KLHDC4: variants seen among roughly 807,000 people sequenced by gnomAD.
KLHDC4 encodes kelch domain-containing protein 4.
KLHDC4 carries 90 observed loss-of-function variants against 62.4 expected under a neutral mutation model. The observed-to-expected ratio is 1.44, with a 90% CI of 1.22 to 1.72. The LOEUF (loss-of-function observed/expected upper bound fraction) is 1.72. Ranked by LOEUF, KLHDC4 falls within the 40% of genes most tolerant of loss-of-function variation. KLHDC4 has a pLI of 0.00. For missense variants in KLHDC4, 1,025 were observed against 699.7 expected, an observed-to-expected ratio of 1.47 and a Z score of -5.25; for synonymous variants, 386 against 284.4, an observed-to-expected ratio of 1.36 and a Z score of -3.59.
intron 7 of KLHDC4, among the ~76,000 whole-genome samples, chr16:87,725,285 A>G (rs1208847210): frequency 6.6e-6 from 1 of 152,176 alleles, no homozygotes; most frequent in Non-Finnish European, 1.5e-5. Flanking sequence ...TCAATGACGC[A>G]TAGGAAATTA....
intron 7 of KLHDC4, among the ~76,000 whole-genome samples, chr16:87,714,883 C>A (rs2036627764): frequency 6.6e-6 from 1 of 152,214 alleles, no homozygotes; most frequent in African/African-American, 2.4e-5. Flanking sequence ...CCACAGGGGC[C>A]TCTGATACCA....
exon 1 of KLHDC4, chr16:87,699,478 G>C (rs967595148): frequency 2.0e-5 from 3 of 152,224 alleles, no homozygotes; most frequent in East Asian, 1.9e-4. Flanking sequence ...TGGATCACCT[G>C]AGGTCAGGAG....
intron 7 of KLHDC4, among the ~76,000 whole-genome samples, chr16:87,720,011 T>G (rs2037938228): frequency 6.6e-6 from 1 of 152,020 alleles, no homozygotes; most frequent in African/African-American, 2.4e-5. Flanking sequence ...AGACCCCACC[T>G]CCCGCAGAAG....
Position 87,708,460 on chromosome 16 carries a change from T to C in KLHDC4, c.1454A>G (p.Gln485Arg), listed in dbSNP as rs1186700775. Reference protein sequence around the residue: ...KALVEMDPETQEWLEETDSEE... With the variant: ...KALVEMDPETREWLEETDSEE... The stretch of plus-strand genomic sequence containing the variant: ...CGAGTCCGTCTCCTCCAGCCACTCC[T>C]GAGTTTCTTCAAAAGCAGAATGAAC... Residue 485 changes from glutamine (Q) to arginine (R), a missense_variant, in exon 11 of 12, where the codon CAG becomes CGG. Physicochemically the swap from Gln to Arg is conservative, Grantham distance 43 (BLOSUM62 1). Transcript: ENST00000270583. The C allele has an allele frequency of 1.2e-6, 2 of 1,601,638 alleles. No individual in the cohort carries two copies. The highest frequency in any genetic ancestry group is 2.2e-5 in the East Asian group (1 of 44,678).
At chr16:87,723,699 C>T (rs1454032746) in intron 7 of KLHDC4, among the ~76,000 whole-genome samples, 1 of 152,260 alleles carries the variant, frequency 6.6e-6, no homozygotes, top group Non-Finnish European at 1.5e-5. Context: ...TGACCAACTG[C>T]CATTAAAAGG....
chr16:87,719,639 C>G (rs765354494), intron 7 of KLHDC4, among the ~76,000 whole-genome samples: 1 of 149,616 alleles, frequency 6.7e-6, no homozygotes, highest in African/African-American at 2.5e-5. Context: ...TCCCCCTCTC[C>G]GAGAAACACC....
chr16:87,728,821 A>G (rs1296798154), intron 6 of KLHDC4, among the ~76,000 whole-genome samples: 3 of 152,156 alleles, frequency 2.0e-5, no homozygotes, highest in Non-Finnish European at 4.4e-5. Flanking sequence ...TCTACTAAAA[A>G]TACAAAAATT....
At chr16:87,706,928 G>A (rs535885530), downstream of KLHDC4, among the ~76,000 whole-genome samples, 36 of 152,312 alleles carry the variant, frequency 2.4e-4, no homozygotes, top group Non-Finnish European at 4.1e-4. Flanking sequence ...CTCTCCCAGC[G>A]GTGCTTCCAC....
intron 1 of KLHDC4, among the ~76,000 whole-genome samples, chr16:87,762,886 T>C (rs1567847056): frequency 6.6e-6 from 1 of 151,974 alleles, no homozygotes; most frequent in Non-Finnish European, 1.5e-5. Context: ...CTGCAGACCA[T>C]CTTCCCTCCC....
intron 5 of KLHDC4, chr16:87,740,671 CAG>C (rs1271736386): frequency 6.6e-6 from 1 of 152,206 alleles, no homozygotes; most frequent in Non-Finnish European, 1.5e-5. Flanking sequence ...TAACCGCAGA[CAG>C]ACTTTCAGTC....
intron 8 of KLHDC4, 110 bp downstream of exon 8, chr16:87,714,388 G>T (rs4843258): frequency 0.065 from 81,053 of 1,249,614 alleles, 3,455 homozygotes; most frequent in East Asian, 0.22. Context: ...TCCGCTCCGG[G>T]CAGGGTGCAG....
At chr16:87,762,118 C>T (rs768695938) in intron 1 of KLHDC4, 78 bp from the exon 2 acceptor site, 228 of 1,582,820 alleles carry the variant, frequency 1.4e-4, no homozygotes, top group Non-Finnish European at 1.7e-4. Flanking sequence ...AGCTTTCCTC[C>T]AATCAGTGTG....
chr16:87,757,607 G>A (rs1345459500), intron 2 of KLHDC4: 3 of 151,698 alleles, frequency 2.0e-5, no homozygotes, highest in African/African-American at 7.3e-5. Context: ...ATAATATTAT[G>A]GGCCAGGCCC....
chr16:87,709,775 T>C, intron 9 of KLHDC4, 108 bp from the exon 10 acceptor site: 3 of 1,308,464 alleles, frequency 2.3e-6, no homozygotes, highest in African/African-American at 1.5e-5. Context: ...CCCACAAGCG[T>C]GGGGAGTGTG....
chr16:87,727,109 C>T (rs988259960), intron 6 of KLHDC4, among the ~76,000 whole-genome samples, 185 bp from the exon 7 acceptor site: 2 of 152,170 alleles, frequency 1.3e-5, no homozygotes, highest in Non-Finnish European at 2.9e-5. Context: ...TTCCCTGCAA[C>T]GAGCCAGAGA....
chr16:87,715,921 C>T (rs1376399293), intron 7 of KLHDC4, among the ~76,000 whole-genome samples: 1 of 152,196 alleles, frequency 6.6e-6, no homozygotes, highest in African/African-American at 2.4e-5. Flanking sequence ...ACTTCAGGCA[C>T]GCTCAGTGCC....
rs2035349415 is a variant in KLHDC4 at position 87,709,534 on chromosome 16, C to A, written c.1178G>T (p.Gly393Val). The change falls in exon 10 of 12, where the codon GGC becomes GTC. Residue 393 changes from glycine to valine, a missense_variant. Transcript: ENST00000270583. ...CACCTGCTTAATGGTGACCACGGTG[C>A]CATCCTCGGCCACCACCTCCTTGAC... ...QLVKEVVAED[G>V]TVVTIKQVLT... is the part of the protein sequence containing the mutation. 6.2e-7 allele frequency: 1 copy of A among 1,612,382 alleles called. No homozygotes were observed. The highest frequency in any genetic ancestry group is 2.2e-5 in the East Asian group (1 of 44,882).
intron 5 of KLHDC4, among the ~76,000 whole-genome samples, chr16:87,736,076 G>A (rs2041257368): frequency 6.6e-6 from 1 of 152,300 alleles, no homozygotes; most frequent in South Asian, 2.1e-4. Flanking sequence ...TGACAGAGAC[G>A]GGTTCTGGGA....
At chr16:87,727,632 G>T (rs1045642361) in intron 6 of KLHDC4, among the ~76,000 whole-genome samples, 1 of 152,236 alleles carries the variant, frequency 6.6e-6, no homozygotes, top group Non-Finnish European at 1.5e-5. Flanking sequence ...AGCTTTGCTG[G>T]AGGCATGGGG....
Sources: allele counts gnomAD v4.1 joint callset (sites outside exome capture counted in the v4.1 genomes callset), GRCh38; gene constraint gnomAD v4.1.1; transcripts MANE v1.5; gene names NCBI Gene and HGNC (gene_info 2026-07-23, HGNC 2026-07-21).